The following SLC2A10 variants were observed in gnomAD, a reference collection of about 807,000 sequenced individuals.
SLC2A10 encodes solute carrier family 2 member 10.
A neutral mutation model predicts 32.1 loss-of-function variants in SLC2A10; 25 were observed. The observed-to-expected ratio is 0.78, with a 90% CI of 0.57 to 1.09. The LOEUF is 1.09. Ranked by LOEUF, SLC2A10 falls within the 50% of genes least tolerant of loss-of-function variation. The probability of loss-of-function intolerance (pLI) is 0.00; values close to 1 mark genes in which losing one functional copy is unlikely to be tolerated. For missense variants in SLC2A10, 673 were observed against 686.5 expected (o/e 0.98, Z 0.22); for synonymous variants, 332 against 309.6 (o/e 1.07, Z -0.76).
At chr20:46,715,737 C>T (rs1247351140) in intron 1 of SLC2A10, among the ~76,000 whole-genome samples, 1 of 152,198 alleles carries the variant, frequency 6.6e-6, no homozygotes. Context: ...AGTGAAATCA[C>T]ATTTCACCAA....
At chr20:46,713,843 G>A (rs866582346) in intron 1 of SLC2A10, among the ~76,000 whole-genome samples, 1 of 152,178 alleles carries the variant, frequency 6.6e-6, no homozygotes, top group South Asian at 2.1e-4. Context: ...CTCAGGACGA[G>A]TCAGTCTCTA....
rs766384624 is a variant in SLC2A10, at chr20:46,724,394, G to A, written c.5-647G>A. Among the ~76,000 whole-genome samples, 80 of 151,790 alleles carry A rather than the reference G, an allele frequency of 5.3e-4. 1 individual carries two copies. The highest frequency in any genetic ancestry group is 1.1e-3 in the Non-Finnish European group (73 of 67,944). On this transcript the variant is annotated intron_variant, in intron 1 of 4. Transcript: ENST00000359271. Reference sequence around the variant, plus strand: ...ACAAAGGGATGAAATACAGAGATGGGTGGATGAATGGATGGATTTGTAGAT... The same window carrying A: ...ACAAAGGGATGAAATACAGAGATGGATGGATGAATGGATGGATTTGTAGAT...
chr20:46,709,930 C>A, intron 1 of SLC2A10, 190 bp downstream of exon 1: 1 of 607,174 alleles, frequency 1.6e-6, no homozygotes, highest in East Asian at 3.4e-5. Context: ...CTCGGTCGCG[C>A]TTCCTTCCAT....
At chr20:46,732,239 T>C (rs1319978269) in intron 4 of SLC2A10, among the ~76,000 whole-genome samples, 1 of 152,236 alleles carries the variant, frequency 6.6e-6, no homozygotes, top group African/African-American at 2.4e-5. Context: ...TTTTGCCTTC[T>C]TATCAGGTTA....
chr20:46,728,437 G>C (rs1310856546), intron 3 of SLC2A10, among the ~76,000 whole-genome samples: 1 of 152,028 alleles, frequency 6.6e-6, no homozygotes, highest in Admixed American at 6.6e-5. Flanking sequence ...TTCCCATCTT[G>C]GCTGCTGGTT....
At position 46,725,138 on chromosome 20, in the gene SLC2A10, G is replaced by A; in HGVS notation, c.102G>A (p.Leu34=). Residue 34 remains leucine (L), a synonymous_variant, in exon 2 of 5, where the codon CTG becomes CTA. Coordinates refer to ENST00000359271, the MANE Select transcript of SLC2A10 (RefSeq NM_030777.4). ...YELAVISGAL[L]PLQLDFGLSC... ...TGGCAGTCATATCAGGTGCCCTGCT[G>A]CCACTGCAGCTTGACTTTGGGCTAA... 6.2e-7 allele frequency: 1 copy of A among 1,614,236 alleles called. No homozygotes were observed. The highest frequency in any genetic ancestry group is 1.1e-5 in the South Asian group (1 of 91,090).
At chr20:46,712,998 T>C (rs898977456) in intron 1 of SLC2A10, among the ~76,000 whole-genome samples, 2 of 152,110 alleles carry the variant, frequency 1.3e-5, no homozygotes, top group South Asian at 2.1e-4. Flanking sequence ...CTGCTTCCTG[T>C]CCATGGCCAC....
In SLC2A10 at chr20:46,733,943, C is replaced by T; in HGVS notation, c.*109C>T. The T allele has an allele frequency of 9.8e-7, 1 of 1,022,962 alleles. No homozygotes were observed. 63.4% of individuals were successfully genotyped at this position (1,022,962 alleles called of 1,614,324 possible). A position where few individuals can be genotyped will look rare whatever the true frequency, so the allele number is the denominator to read the frequency against. On this transcript the variant is annotated 3_prime_UTR_variant, in exon 5 of 5. Transcript: ENST00000359271. ...GTTCCAGCTGGTCTTTTGGGAGTGG[C>T]CCCTGCCCCCAAAGGTGGTCTGCTT...
intron 1 of SLC2A10, among the ~76,000 whole-genome samples, chr20:46,712,350 G>T (rs970322765): frequency 2.6e-5 from 4 of 152,198 alleles, no homozygotes; most frequent in Admixed American, 2.0e-4. Flanking sequence ...CACTACTCTA[G>T]TGTCACCAAC....
rs1568985108 is a variant in SLC2A10, at chr20:46,725,331, G to T, written c.295G>T (p.Ala99Ser). ...GACCCTGGGCCTGGCTGGTTCCCTGGCCTGGCTGGTCCTGGGCCGCGCTGT... is the reference window on the plus strand; with the variant it reads ...GACCCTGGGCCTGGCTGGTTCCCTGTCCTGGCTGGTCCTGGGCCGCGCTGT... ...SLTLGLAGSL[A>S]WLVLGRAVVG... The change falls in exon 2 of 5, where the codon GCC (alanine) becomes TCC (serine). Residue 99 changes from alanine to serine, a missense_variant. Ala to Ser is a moderately conservative substitution (Grantham distance 99). Transcript: ENST00000359271. 6.2e-7 allele frequency: 1 copy of T among 1,614,084 alleles called. No individual in the cohort carries two copies.
chr20:46,714,518 G>A (rs981141469), intron 1 of SLC2A10: 1 of 152,708 alleles, frequency 6.5e-6, no homozygotes, highest in Middle Eastern at 3.2e-3. Context: ...ACCTGGGACT[G>A]AAGAGGGAGA....
chr20:46,724,875 C>T (rs57148071), intron 1 of SLC2A10, among the ~76,000 whole-genome samples, 166 bp from the exon 2 acceptor site: 72 of 139,838 alleles, frequency 5.1e-4, no homozygotes, highest in East Asian at 2.5e-3. Flanking sequence ...GATGGATGGA[C>T]GGATGGATGG....
At chr20:46,729,932 C>T (rs1980207703) in intron 4 of SLC2A10, among the ~76,000 whole-genome samples, 2 of 152,152 alleles carry the variant, frequency 1.3e-5, no homozygotes, top group Admixed American at 1.3e-4. Context: ...GCCCGGCCGG[C>T]ACTATGAGTT....
At chr20:46,733,339 A>G (rs1248299803) in intron 4 of SLC2A10, among the ~76,000 whole-genome samples, 1 of 152,162 alleles carries the variant, frequency 6.6e-6, no homozygotes, top group African/African-American at 2.4e-5. Flanking sequence ...TCTCAAGGAC[A>G]CTACCAAAAG....
intron 1 of SLC2A10, among the ~76,000 whole-genome samples, chr20:46,719,846 C>G (rs1457309226): frequency 6.6e-6 from 1 of 152,180 alleles, no homozygotes; most frequent in Non-Finnish European, 1.5e-5. Context: ...TGAACTCTTC[C>G]AAGAGCCAGT....
chr20:46,732,770 A>G (rs1568989856), intron 4 of SLC2A10, among the ~76,000 whole-genome samples: 1 of 151,544 alleles, frequency 6.6e-6, no homozygotes, highest in Non-Finnish European at 1.5e-5. Context: ...ATGATGCTCA[A>G]GGAAGGCTGC....
chr20:46,731,754 G>A (rs913447296), intron 4 of SLC2A10, among the ~76,000 whole-genome samples: 1 of 152,110 alleles, frequency 6.6e-6, no homozygotes, highest in African/African-American at 2.4e-5. Context: ...GATATCAGAG[G>A]CCACAGAGAG....
chr20:46,725,110 A>C lies in SLC2A10; in HGVS notation c.74A>C (p.Glu25Ala), dbSNP rs763519514. Residue 25 changes from glutamate (E) to alanine (A), a missense_variant, in exon 2 of 5, where the codon GAA becomes GCA. Coordinates refer to ENST00000359271, the MANE Select transcript of SLC2A10 (RefSeq NM_030777.4). Reference protein sequence around the residue: ...SLLGGLTFGYELAVISGALLP... With the variant: ...SLLGGLTFGYALAVISGALLP... ...CTGGGTGGCCTGACCTTTGGTTATG[A>C]ACTGGCAGTCATATCAGGTGCCCTG... 1.9e-6 allele frequency: 3 copies of C among 1,614,204 alleles called. No individual in the cohort carries two copies. In the South Asian group the frequency reaches 3.3e-5, roughly 18 times the overall value.
chr20:46,712,580 G>A lies in SLC2A10; in HGVS notation c.4+2840G>A, dbSNP rs539856439. ...ACACTTGCTAAACTTAGGTCAAGCC[G>A]TCTTAATGTGTTCTCCTTAATTTTC... On this transcript the variant is annotated intron_variant, in intron 1 of 4. Transcript: ENST00000359271. 7.9e-5 allele frequency among the ~76,000 whole-genome samples: 12 copies of A among 151,480 alleles called. No individual in the cohort carries two copies. The South Asian group carries it at 1.5e-3, about 18-fold the overall frequency.
Sources: gnomAD v4.1 joint callset for allele counts (sites outside exome capture counted in the v4.1 genomes callset) on GRCh38, gnomAD v4.1.1 for gene constraint, MANE v1.5 for transcripts, NCBI Gene and HGNC (gene_info 2026-07-23, HGNC 2026-07-21) for gene names.